Variants in PCDHGA9 observed in about 807,000 individuals in gnomAD.
PCDHGA9 encodes protocadherin gamma subfamily A, 9.
PCDHGA9 carries 37 observed loss-of-function variants against 62.5 expected under a neutral mutation model. That is an observed-to-expected ratio of 0.59 (90% CI 0.46 to 0.78). The LOEUF (loss-of-function observed/expected upper bound fraction) is 0.78. Ranked by LOEUF, PCDHGA9 falls within the 30% of genes least tolerant of loss-of-function variation. The pLI, the probability that PCDHGA9 is intolerant of heterozygous loss-of-function variation, is 0.00. For missense variants in PCDHGA9, 1,138 were observed against 1,166.2 expected, an observed-to-expected ratio of 0.98 and a Z score of 0.35; for synonymous variants, 459 against 484.6, an observed-to-expected ratio of 0.95 and a Z score of 0.69.
In PCDHGA9 at chr5:141,405,363, C is replaced by A. The variant is rs765508317; in HGVS notation, c.2411C>A (p.Thr804Asn). The A allele has an allele frequency of 1.9e-6, 3 of 1,613,808 alleles. No individual in the cohort carries two copies. Among genetic ancestry groups the A allele is most frequent in the South Asian group, 1.1e-5 (1 of 91,054 alleles). Reference protein sequence around the residue: ...SVDSKFPIEDTPLVPQAPPNT... With the variant: ...SVDSKFPIEDNPLVPQAPPNT... ...GATTCCAAGTTTCCTATAGAAGACA[C>A]CCCTTTGGTTCCGGTGAGTTCATTT... The change falls in exon 1 of 4, where the codon ACC (threonine) becomes AAC (asparagine). Residue 804 changes from threonine (T) to asparagine (N), a missense_variant. Coordinates refer to ENST00000573521, the MANE Select transcript of PCDHGA9 (RefSeq NM_018921.3).
chr5:141,453,111 G>A (rs1040339344), intron 1 of PCDHGA9, among the ~76,000 whole-genome samples: 5 of 151,718 alleles, frequency 3.3e-5, no homozygotes, highest in Non-Finnish European at 5.9e-5. Flanking sequence ...TTTTTGTTTT[G>A]TTTTGTTTTG....
intron 1 of PCDHGA9, chr5:141,419,337 C>A (rs1283848400): frequency 6.2e-7 from 1 of 1,613,906 alleles, no homozygotes; most frequent in South Asian, 1.1e-5. Flanking sequence ...TCTCTCATTG[C>A]CAGCGACCTG....
chr5:141,459,795 C>T (rs1394778891), intron 1 of PCDHGA9, among the ~76,000 whole-genome samples: 1 of 152,190 alleles, frequency 6.6e-6, no homozygotes, highest in Non-Finnish European at 1.5e-5. Flanking sequence ...AACTGTTTTT[C>T]CCTGTTGACT....
In PCDHGA9 at chr5:141,490,378, G is replaced by A; in HGVS notation, c.2425-4429G>A. On this transcript the variant is annotated intron_variant, in intron 1 of 3. Transcript: ENST00000573521. The surrounding 1 kb of genome is among the most constrained non-coding windows in gnomAD (Gnocchi z 5.4). The stretch of plus-strand genomic sequence containing the variant: ...GTTTAATGTGCGAGACCGGGACTCA[G>A]GTAGAAATGGTGAAGTGAGCCTTGA... 1 of 1,614,214 alleles carries A rather than the reference G, an allele frequency of 6.2e-7. No homozygotes were observed. The highest frequency in any genetic ancestry group is 1.1e-5 in the South Asian group (1 of 91,086).
At chr5:141,419,663 G>T (rs1459319505) in intron 1 of PCDHGA9, 1 of 1,612,710 alleles carries the variant, frequency 6.2e-7, no homozygotes, top group Non-Finnish European at 8.5e-7. Flanking sequence ...GGGGCACAAT[G>T]CCTGGCTGTC....
intron 1 of PCDHGA9, among the ~76,000 whole-genome samples, chr5:141,450,951 A>G (rs1018018318): frequency 1.3e-5 from 2 of 151,732 alleles, no homozygotes; most frequent in Non-Finnish European, 2.9e-5. Context: ...CAGCCTCCCA[A>G]GTAGCTGGGA....
chr5:141,473,930 G>T (rs966856411), intron 1 of PCDHGA9, among the ~76,000 whole-genome samples: 3 of 152,156 alleles, frequency 2.0e-5, no homozygotes, highest in Admixed American at 6.5e-5. Flanking sequence ...TGAGCTGGGT[G>T]CAGTAGCTCA....
chr5:141,441,692 G>A (rs1165171238), intron 1 of PCDHGA9: 2 of 301,376 alleles, frequency 6.6e-6, no homozygotes, highest in Non-Finnish European at 1.3e-5. Context: ...AAGAGCAGCC[G>A]CGAGCCTTCA....
intron 2 of PCDHGA9, among the ~76,000 whole-genome samples, chr5:141,504,238 G>A (rs1043662594): frequency 2.0e-5 from 3 of 152,228 alleles, no homozygotes; most frequent in African/African-American, 7.2e-5. Flanking sequence ...CTAAGAAGCA[G>A]AGAGTTCTTC....
At chr5:141,415,285 G>A (rs1561755891) in intron 1 of PCDHGA9, 3 of 1,614,216 alleles carry the variant, frequency 1.9e-6, no homozygotes, top group Non-Finnish European at 2.5e-6. Context: ...GGTGGCCGCG[G>A]TCTCCTGCGT....
chr5:141,408,549 T>C, intron 1 of PCDHGA9: 1 of 1,614,016 alleles, frequency 6.2e-7, no homozygotes, highest in Non-Finnish European at 8.5e-7. Flanking sequence ...CCTTTAAATA[T>C]TTTTCATGTC....
chr5:141,463,572 C>A (rs1462125489), intron 1 of PCDHGA9, among the ~76,000 whole-genome samples: 2 of 151,572 alleles, frequency 1.3e-5, no homozygotes, highest in African/African-American at 4.9e-5. Context: ...CCTCAGCCTC[C>A]CGAGTAGCTG....
rs183549806 is a variant in PCDHGA9 at position 141,487,760 on chromosome 5, G to A, written c.2425-7047G>A. ...TGTAAGAGGTAACTATGTGGTAGAC[G>A]CTGTGCTTTGTAACTGTTTCGTGAA... On this transcript the variant is annotated intron_variant, in intron 1 of 3. Transcript: ENST00000573521. The surrounding 1 kb of genome is among the most constrained non-coding windows in gnomAD (Gnocchi z 5.0). 42 of 1,545,950 alleles carry A rather than the reference G, an allele frequency of 2.7e-5. No homozygotes were observed. The African/African-American group carries it at 3.8e-4, about 14-fold the overall frequency.
At position 141,486,059 on chromosome 5, in the gene PCDHGA9, C is replaced by T. The variant is rs141349392; in HGVS notation, c.2425-8748C>T. ...TCGTGTAAGAAACCTCTTTAGCCTG[C>T]ACCCCACTACTGGAAAGCTTACTCT... On this transcript the variant is annotated intron_variant, in intron 1 of 3. Transcript: ENST00000573521. The surrounding 1 kb of genome is among the most constrained non-coding windows in gnomAD (Gnocchi z 5.0). The T allele has an allele frequency of 9.0e-5, 146 of 1,614,034 alleles. No individual in the cohort carries two copies. The highest frequency in any genetic ancestry group is 1.2e-4 in the Non-Finnish European group (138 of 1,180,018).
At chr5:141,421,283 T>G (rs2096560959) in intron 1 of PCDHGA9, 4 of 1,612,952 alleles carry the variant, frequency 2.5e-6, no homozygotes, top group Non-Finnish European at 3.4e-6. Flanking sequence ...CTGCTGTGCA[T>G]TTTCCTGGGG....
At chr5:141,430,947 G>T (rs1169662602) in intron 1 of PCDHGA9, 1 of 1,610,002 alleles carries the variant, frequency 6.2e-7, no homozygotes, top group Non-Finnish European at 8.5e-7. Flanking sequence ...GCGGAGCGCG[G>T]AGTCCGCATC....
intron 1 of PCDHGA9, chr5:141,427,791 G>T (rs763294539): frequency 1.3e-6 from 2 of 1,488,082 alleles, no homozygotes; most frequent in South Asian, 1.1e-5. Context: ...GTCGTCCTAC[G>T]TGTCCGTGAG....
Position 141,404,161 on chromosome 5 carries a change from ATTG to A in PCDHGA9, c.1213_1215del (p.Leu405del). 1 of 1,613,152 alleles carries A rather than the reference ATTG, an allele frequency of 6.2e-7. No individual in the cohort carries two copies. Among genetic ancestry groups the A allele is most frequent in the South Asian group, 1.1e-5 (1 of 90,970 alleles). ...AAAATTCAGAAGAAGATTATTACAG[ATTG>A]TTGACGGCCCAAATTCTTGACCGAG... is the stretch of plus-strand genomic sequence containing the variant. On this transcript the variant is annotated inframe_deletion, in exon 1 of 4. Transcript: ENST00000573521.
chr5:141,433,062 T>G (rs1371087184), intron 1 of PCDHGA9: 1 of 1,614,074 alleles, frequency 6.2e-7, no homozygotes, highest in Non-Finnish European at 8.5e-7. Context: ...AAGAGTCACC[T>G]GATCTTCCCC....
Sources: gnomAD v4.1 joint callset for allele counts (sites outside exome capture counted in the v4.1 genomes callset) on GRCh38, gnomAD v4.1.1 for gene constraint, Gnocchi (gnomAD v3.1) non-coding constraint, MANE v1.5 for transcripts, NCBI Gene and HGNC (gene_info 2026-07-23, HGNC 2026-07-21) for gene names.